Variants in NKAIN2 observed in about 807,000 individuals in gnomAD.
NKAIN2 encodes the protein sodium/potassium-transporting ATPase subunit beta-1-interacting protein 2.
In NKAIN2, 14 loss-of-function variants were observed where a neutral mutation model predicts 32.6. The observed-to-expected ratio is 0.43, with a 90% CI of 0.28 to 0.67. The LOEUF is 0.67. Among genes scored for constraint, NKAIN2 ranks in the 30% least tolerant of loss-of-function variants. The pLI is 0.17. For synonymous variants in NKAIN2, 80 were observed against 87.2 expected, an observed-to-expected ratio of 0.92 and a Z score of 0.46; for missense variants, 198 against 258.3, an observed-to-expected ratio of 0.77 and a Z score of 1.60.
At chr6:123,998,395 C>T (rs1405724621) in intron 1 of NKAIN2, among the ~76,000 whole-genome samples, 5 of 152,028 alleles carry the variant, frequency 3.3e-5, no homozygotes, top group Admixed American at 3.3e-4. Context: ...TAAAAAATGT[C>T]TGTCTTTTTC....
At chr6:124,305,575 T>C (rs1796473462) in intron 2 of NKAIN2, among the ~76,000 whole-genome samples, 1 of 152,062 alleles carries the variant, frequency 6.6e-6, no homozygotes, top group Non-Finnish European at 1.5e-5. Context: ...AATGGAGATG[T>C]TCAAAAGTTT....
At chr6:124,289,543 A>T (rs1050105411) in intron 2 of NKAIN2, among the ~76,000 whole-genome samples, 12 of 152,166 alleles carry the variant, frequency 7.9e-5, no homozygotes, top group Non-Finnish European at 1.3e-4. Flanking sequence ...TAGACACCTT[A>T]GTGGTTCTGT....
intron 1 of NKAIN2, among the ~76,000 whole-genome samples, chr6:123,974,440 C>G (rs1301319051): frequency 6.6e-6 from 1 of 151,986 alleles, no homozygotes; most frequent in Non-Finnish European, 1.5e-5. Context: ...TAAAAATTAC[C>G]ACGGTTCTTC....
At chr6:124,193,644 C>G (rs938512218) in intron 1 of NKAIN2, among the ~76,000 whole-genome samples, 14 of 152,134 alleles carry the variant, frequency 9.2e-5, no homozygotes, top group Admixed American at 8.5e-4. Flanking sequence ...TTTTACAGCT[C>G]TTTTAGCCCT....
chr6:124,451,234 T>C (rs62437468), intron 3 of NKAIN2, among the ~76,000 whole-genome samples: 11,116 of 152,242 alleles, frequency 0.073, 517 homozygotes, highest in African/African-American at 0.098. Context: ...CATTGATTTT[T>C]ATTACTGGCA....
chr6:124,173,218 A>G (rs919982635), intron 1 of NKAIN2, among the ~76,000 whole-genome samples: 3 of 152,150 alleles, frequency 2.0e-5, no homozygotes, highest in Non-Finnish European at 4.4e-5. Flanking sequence ...TCTTGCTCTT[A>G]TAAAAGCACC....
chr6:124,649,295 C>T (rs1784283682), intron 3 of NKAIN2, among the ~76,000 whole-genome samples: 1 of 152,042 alleles, frequency 6.6e-6, no homozygotes, highest in Non-Finnish European at 1.5e-5. Context: ...AGGAATATAA[C>T]TACAGATATC....
intron 4 of NKAIN2, among the ~76,000 whole-genome samples, chr6:124,718,658 C>A (rs983197985): frequency 6.6e-6 from 1 of 152,144 alleles, no homozygotes; most frequent in African/African-American, 2.4e-5. Flanking sequence ...ACAATCAAAC[C>A]CCACCCTCAC....
intron 1 of NKAIN2, among the ~76,000 whole-genome samples, chr6:123,878,477 T>G (rs1207070379): frequency 6.6e-6 from 1 of 152,110 alleles, no homozygotes; most frequent in Non-Finnish European, 1.5e-5. Context: ...CTATTTTTAT[T>G]TTTATTGCCA....
At chr6:123,979,629 C>A (rs1778802181) in intron 1 of NKAIN2, among the ~76,000 whole-genome samples, 1 of 152,148 alleles carries the variant, frequency 6.6e-6, no homozygotes, top group South Asian at 2.1e-4. Context: ...ATACAACTAT[C>A]ATTAAAAAAT....
chr6:124,670,162 T>A (rs1457805060), intron 4 of NKAIN2, among the ~76,000 whole-genome samples: 1 of 152,148 alleles, frequency 6.6e-6, no homozygotes, highest in Non-Finnish European at 1.5e-5. Flanking sequence ...GTTACTTGAT[T>A]GCTAGAAGCC....
chr6:124,614,600 T>C (rs1373215469), intron 3 of NKAIN2, among the ~76,000 whole-genome samples: 1 of 152,160 alleles, frequency 6.6e-6, no homozygotes, highest in Non-Finnish European at 1.5e-5. Flanking sequence ...CTTCAATCTC[T>C]GAAACACAGC....
chr6:124,719,580 C>G (rs1436425232), intron 4 of NKAIN2, among the ~76,000 whole-genome samples: 6 of 151,924 alleles, frequency 3.9e-5, no homozygotes, highest in South Asian at 4.1e-4. Flanking sequence ...GTTTCTTTTT[C>G]TTTTGTTTTG....
chr6:124,093,670 A>G (rs1336479385), intron 1 of NKAIN2, among the ~76,000 whole-genome samples: 2 of 152,156 alleles, frequency 1.3e-5, no homozygotes, highest in Admixed American at 6.5e-5. Flanking sequence ...TATGAAGTCT[A>G]TGGTCCTAGC....
chr6:124,517,698 C>T (rs1778967056), intron 3 of NKAIN2, among the ~76,000 whole-genome samples: 1 of 152,052 alleles, frequency 6.6e-6, no homozygotes, highest in Non-Finnish European at 1.5e-5. Flanking sequence ...AAATTTTTTT[C>T]TGCAGAAGAA....
intron 1 of NKAIN2, among the ~76,000 whole-genome samples, chr6:124,229,901 A>G (rs547066211): frequency 1.2e-4 from 19 of 152,292 alleles, no homozygotes; most frequent in Admixed American, 1.1e-3. Flanking sequence ...AAAATGGACT[A>G]ATAAAGTAAA....
At chr6:124,334,552 GT>G (rs10712599) in intron 2 of NKAIN2, among the ~76,000 whole-genome samples, 125,560 of 151,706 alleles carry the variant, frequency 0.83, 52,302 homozygotes, top group African/African-American at 0.91. Flanking sequence ...TCGGTTCCTG[GT>G]GGGGGGCACT....
At chr6:123,838,770 T>TA (rs1774736252) in intron 1 of NKAIN2, among the ~76,000 whole-genome samples, 1 of 152,166 alleles carries the variant, frequency 6.6e-6, no homozygotes. Context: ...TTTAAATGAG[T>TA]AATTGCCATT....
chr6:123,839,532 A>G (rs887035013), intron 1 of NKAIN2, among the ~76,000 whole-genome samples: 4 of 152,078 alleles, frequency 2.6e-5, no homozygotes, highest in African/African-American at 9.7e-5. Flanking sequence ...ATTAAAAAAA[A>G]TGTTCTTAGA....
Sources: gnomAD v4.1 joint callset for allele counts (sites outside exome capture counted in the v4.1 genomes callset) on GRCh38, gnomAD v4.1.1 for gene constraint, MANE v1.5 for transcripts, NCBI Gene and HGNC (gene_info 2026-07-23, HGNC 2026-07-21) for gene names.